DYNC1I1: variants seen among roughly 807,000 people sequenced by gnomAD.
DYNC1I1 encodes the protein dynein cytoplasmic 1 intermediate chain 1, also known as cytoplasmic dynein 1 intermediate chain 1.
DYNC1I1 carries 43 observed loss-of-function variants against 86.6 expected under a neutral mutation model. The observed-to-expected ratio is 0.50, with a 90% CI of 0.39 to 0.64. DYNC1I1 has a LOEUF of 0.64. Ranked by LOEUF, DYNC1I1 falls within the 30% of genes least tolerant of loss-of-function variation. DYNC1I1 has a pLI of 0.00. For missense variants in DYNC1I1, 604 were observed against 788.8 expected (o/e 0.77, Z 2.81); for synonymous variants, 262 against 283.7 (o/e 0.92, Z 0.77).
chr7:95,819,652 T>A (rs1795030327), intron 4 of DYNC1I1, among the ~76,000 whole-genome samples: 1 of 152,148 alleles, frequency 6.6e-6, no homozygotes, highest in Non-Finnish European at 1.5e-5. Context: ...AAAATTTTGC[T>A]TATACAAAAA....
chr7:95,775,108 C>T (rs1793808996), intron 1 of DYNC1I1, among the ~76,000 whole-genome samples: 1 of 152,174 alleles, frequency 6.6e-6, no homozygotes, highest in Admixed American at 6.5e-5. Context: ...TCTTATGAGG[C>T]AGATATTGTT....
At chr7:96,052,008 G>A (rs1222296128) in intron 14 of DYNC1I1, among the ~76,000 whole-genome samples, 3 of 152,070 alleles carry the variant, frequency 2.0e-5, no homozygotes, top group Non-Finnish European at 4.4e-5. Flanking sequence ...GGACAGAATT[G>A]CCATCCTTTC....
chr7:96,007,288 C>G (rs1794164419), intron 10 of DYNC1I1, among the ~76,000 whole-genome samples: 1 of 152,050 alleles, frequency 6.6e-6, no homozygotes, highest in South Asian at 2.1e-4. Context: ...TCTCAAAAAC[C>G]TTTACAAATT....
At chr7:96,087,849 A>G (rs1253281981) in intron 16 of DYNC1I1, among the ~76,000 whole-genome samples, 1 of 152,238 alleles carries the variant, frequency 6.6e-6, no homozygotes, top group Non-Finnish European at 1.5e-5. Flanking sequence ...AGATGCTAAT[A>G]AATATAATTA....
intron 6 of DYNC1I1, among the ~76,000 whole-genome samples, chr7:95,892,536 C>G (rs1402088822): frequency 6.6e-6 from 1 of 152,186 alleles, no homozygotes; most frequent in Non-Finnish European, 1.5e-5. Context: ...TGGTCTCTAT[C>G]TCCTGACCTC....
intron 6 of DYNC1I1, among the ~76,000 whole-genome samples, chr7:95,910,943 T>C (rs1048942447): frequency 2.6e-5 from 4 of 152,320 alleles, no homozygotes; most frequent in Non-Finnish European, 5.9e-5. Flanking sequence ...CATTATTTTT[T>C]TGGATAATGG....
chr7:95,828,366 A>G (rs1795248605), intron 5 of DYNC1I1, among the ~76,000 whole-genome samples: 1 of 152,172 alleles, frequency 6.6e-6, no homozygotes, highest in Non-Finnish European at 1.5e-5. Context: ...TCCCCCAAAC[A>G]AAAATCAAAC....
chr7:96,103,609 T>C (rs974862044), intron 16 of DYNC1I1, among the ~76,000 whole-genome samples: 2 of 151,888 alleles, frequency 1.3e-5, no homozygotes, highest in South Asian at 2.1e-4. Context: ...ACAGGCTCTA[T>C]ATGGATTTTT....
chr7:95,860,328 G>T (rs1052732639), intron 5 of DYNC1I1, among the ~76,000 whole-genome samples: 1 of 152,064 alleles, frequency 6.6e-6, no homozygotes, highest in Non-Finnish European at 1.5e-5. Context: ...TCCCACCCAC[G>T]TAAAAATAGT....
intron 1 of DYNC1I1, among the ~76,000 whole-genome samples, chr7:95,782,882 T>A (rs1794029219): frequency 6.6e-6 from 1 of 152,156 alleles, no homozygotes; most frequent in Admixed American, 6.5e-5. Context: ...CTCTCTGACC[T>A]TCCCCAGCCG....
chr7:95,815,009 C>G (rs1232764753), intron 4 of DYNC1I1, among the ~76,000 whole-genome samples: 1 of 152,014 alleles, frequency 6.6e-6, no homozygotes, highest in East Asian at 1.9e-4. Context: ...ATTGGCCTAT[C>G]ATTAAGTTAA....
chr7:96,103,915 A>G (rs1277704341), intron 16 of DYNC1I1, among the ~76,000 whole-genome samples: 1 of 152,140 alleles, frequency 6.6e-6, no homozygotes, highest in African/African-American at 2.4e-5. Flanking sequence ...CCAGGCCTCT[A>G]TGTGGATTTT....
chr7:96,088,645 C>G (rs897165789), intron 16 of DYNC1I1, among the ~76,000 whole-genome samples: 1 of 152,250 alleles, frequency 6.6e-6, no homozygotes, highest in South Asian at 2.1e-4. Context: ...ATCTGTGAAT[C>G]GAGATTAACC....
chr7:95,949,184 G>T (rs1283747840), intron 6 of DYNC1I1, among the ~76,000 whole-genome samples: 1 of 152,200 alleles, frequency 6.6e-6, no homozygotes, highest in African/African-American at 2.4e-5. Flanking sequence ...CAACAAAAAG[G>T]AGAGTGTGGG....
At chr7:96,005,591 A>G (rs1198097760) in intron 10 of DYNC1I1, among the ~76,000 whole-genome samples, 1 of 152,182 alleles carries the variant, frequency 6.6e-6, no homozygotes. Context: ...CCATCCTCTG[A>G]TCCCACAGCT....
chr7:95,784,327 T>C (rs1794072436), intron 1 of DYNC1I1, among the ~76,000 whole-genome samples: 1 of 152,188 alleles, frequency 6.6e-6, no homozygotes, highest in African/African-American at 2.4e-5. Flanking sequence ...GACTGAATCA[T>C]GGAGGCATTC....
chr7:95,986,023 C>CGTGTGTGTGTGT (rs3138829), intron 8 of DYNC1I1, among the ~76,000 whole-genome samples: 21,259 of 132,364 alleles, frequency 0.16, 2,290 homozygotes, highest in East Asian at 0.35. Flanking sequence ...CCTGGCAGGA[C>CGTGTGTGTGTGT]GTGTGTGTGT....
chr7:95,873,123 G>A (rs1790216959), intron 6 of DYNC1I1, among the ~76,000 whole-genome samples: 2 of 152,188 alleles, frequency 1.3e-5, no homozygotes, highest in South Asian at 4.1e-4. Flanking sequence ...CATAATCATA[G>A]TTTGTTTTGA....
At position 95,956,329 on chromosome 7, in the gene DYNC1I1, A is replaced by C. The variant is rs141744168; in HGVS notation, c.491-21183A>C. On this transcript the variant is annotated intron_variant, in intron 6 of 16. Coordinates refer to ENST00000447467, the MANE Select transcript of DYNC1I1 (RefSeq NM_001135556.2). ...GTGGCTGTACTTAGCCACCTTTGCTATCTCCCTCGACTTACACAACAGGTG... is the reference window on the plus strand; with the variant it reads ...GTGGCTGTACTTAGCCACCTTTGCTCTCTCCCTCGACTTACACAACAGGTG... Among the ~76,000 whole-genome samples, 371 of 150,966 alleles carry C rather than the reference A, an allele frequency of 2.5e-3. 2 individuals carry two copies. The highest frequency in any genetic ancestry group is 0.015 in the East Asian group (77 of 5,122).
Sources: gnomAD v4.1 joint callset for allele counts (sites outside exome capture counted in the v4.1 genomes callset) on GRCh38, gnomAD v4.1.1 for gene constraint, MANE v1.5 for transcripts, NCBI Gene and HGNC (gene_info 2026-07-23, HGNC 2026-07-21) for gene names.